Variants in CECR2 observed in about 807,000 individuals in gnomAD.
The protein encoded by CECR2 is chromatin remodeling regulator CECR2.
A neutral mutation model predicts 154.5 loss-of-function variants in CECR2; 30 were observed. The ratio of observed to expected loss-of-function variants is 0.19; its 90% CI spans 0.15 to 0.26. CECR2 has a LOEUF of 0.26. CECR2 is among the 10% of genes least tolerant of loss of function. The probability of loss-of-function intolerance (pLI) is 1.00; values close to 1 mark genes in which losing one functional copy is unlikely to be tolerated. For missense variants in CECR2, 1,743 were observed against 1,829.3 expected, an observed-to-expected ratio of 0.95 and a Z score of 0.86; for synonymous variants, 725 against 683.7, an observed-to-expected ratio of 1.06 and a Z score of -0.94.
intron 1 of CECR2, among the ~76,000 whole-genome samples, chr22:17,425,963 G>A (rs2054322974): frequency 6.6e-6 from 1 of 152,178 alleles, no homozygotes; most frequent in Non-Finnish European, 1.5e-5. Context: ...TGCTTTGGGT[G>A]GCTGAGATAC....
chr22:17,534,515 A>T (rs577765118), intron 9 of CECR2, among the ~76,000 whole-genome samples: 1 of 151,646 alleles, frequency 6.6e-6, no homozygotes, highest in East Asian at 2.0e-4. Flanking sequence ...TTATTTATTT[A>T]TTTATTTTTT....
At chr22:17,513,650 G>A (rs1223129441) in intron 8 of CECR2, among the ~76,000 whole-genome samples, 2 of 152,072 alleles carry the variant, frequency 1.3e-5, no homozygotes, top group Admixed American at 1.3e-4. Flanking sequence ...CTTCCTCCTA[G>A]CAGTCACTAA....
chr22:17,447,031 A>ATTTTTTTTTTTT (rs2054678619), intron 1 of CECR2, among the ~76,000 whole-genome samples: 1 of 100,606 alleles, frequency 9.9e-6, no homozygotes, highest in African/African-American at 5.7e-5. Context: ...TGCGTTTACA[A>ATTTTTTTTTTTT]TCTTTTTTTT....
intron 8 of CECR2, among the ~76,000 whole-genome samples, chr22:17,512,263 T>A (rs766599643): frequency 2.6e-5 from 4 of 151,708 alleles, no homozygotes; most frequent in Non-Finnish European, 5.9e-5. Flanking sequence ...CTGAGATGGC[T>A]GGGATTGATG....
At chr22:17,539,202 T>TG (rs1204016248) in intron 13 of CECR2, 83 bp downstream of exon 13, 1 of 1,467,844 alleles carries the variant, frequency 6.8e-7, no homozygotes, top group Non-Finnish European at 9.3e-7. Context: ...CACATCCTAG[T>TG]GCCTTTTCTG....
intron 1 of CECR2, among the ~76,000 whole-genome samples, chr22:17,467,278 C>T (rs991870172): frequency 7.9e-5 from 12 of 152,308 alleles, no homozygotes; most frequent in Admixed American, 7.2e-4. Context: ...GCATAATCCT[C>T]TTATGAGAAG....
At chr22:17,391,924 C>T (rs1467266028) in intron 1 of CECR2, among the ~76,000 whole-genome samples, 4 of 152,124 alleles carry the variant, frequency 2.6e-5, no homozygotes, top group Non-Finnish European at 1.5e-5. Context: ...GTCTCAGCTT[C>T]CCGAGTAACT....
At chr22:17,485,500 G>T (rs1216662724) in intron 2 of CECR2, among the ~76,000 whole-genome samples, 1 of 152,212 alleles carries the variant, frequency 6.6e-6, no homozygotes, top group African/African-American at 2.4e-5. Flanking sequence ...GGGCGTGGTG[G>T]CTCACGCCTG....
intron 1 of CECR2, among the ~76,000 whole-genome samples, chr22:17,451,182 G>C (rs2054763334): frequency 6.6e-6 from 1 of 152,242 alleles, no homozygotes; most frequent in South Asian, 2.1e-4. Flanking sequence ...GGCCAGGCTT[G>C]AGGCTGGCAG....
intron 16 of CECR2, among the ~76,000 whole-genome samples, chr22:17,547,663 C>A (rs34594666): frequency 0.01 from 1,564 of 152,204 alleles, 7 homozygotes; most frequent in Non-Finnish European, 0.018. Flanking sequence ...CGGAGAAGTC[C>A]CTCCTGTGGA....
chr22:17,533,738 T>C (rs8138198), intron 9 of CECR2, among the ~76,000 whole-genome samples: 43,766 of 150,568 alleles, frequency 0.29, 6,953 homozygotes, highest in African/African-American at 0.43. Flanking sequence ...GTTTTTGAGA[T>C]GACGTTTCAC....
chr22:17,502,861 A>G (rs536524899), intron 5 of CECR2, among the ~76,000 whole-genome samples: 1 of 152,340 alleles, frequency 6.6e-6, no homozygotes, highest in Admixed American at 6.5e-5. Flanking sequence ...TACTGTTGCC[A>G]TAACATAGGG....
chr22:17,535,730 G>GA (rs35949817), intron 9 of CECR2, among the ~76,000 whole-genome samples: 17 of 146,188 alleles, frequency 1.2e-4, no homozygotes, highest in African/African-American at 2.0e-4. Context: ...CTTAGAAGTC[G>GA]AAAAAAAAAA....
chr22:17,372,296 CT>C (rs2063070593), intron 1 of CECR2, among the ~76,000 whole-genome samples: 1 of 152,112 alleles, frequency 6.6e-6, no homozygotes, highest in Non-Finnish European at 1.5e-5. Flanking sequence ...GAAATTTTAA[CT>C]TACGCTTTTT....
chr22:17,514,693 T>C (rs1480499629), intron 8 of CECR2, among the ~76,000 whole-genome samples: 2 of 152,178 alleles, frequency 1.3e-5, no homozygotes, highest in Admixed American at 6.5e-5. Context: ...CAAGACTTGC[T>C]TTACCTTGCA....
intron 1 of CECR2, among the ~76,000 whole-genome samples, chr22:17,391,802 A>G (rs1259755925): frequency 2.0e-5 from 3 of 152,248 alleles, no homozygotes; most frequent in Admixed American, 1.3e-4. Flanking sequence ...ATTGTTGAAT[A>G]CAGATGCTTT....
chr22:17,375,960 T>TA lies in CECR2; in HGVS notation c.126+6066dup, dbSNP rs879827682. 2.0e-3 allele frequency among the ~76,000 whole-genome samples: 265 copies of TA among 134,498 alleles called. 3 individuals are homozygous for TA. The South Asian group carries it at 0.02, about 10-fold the overall frequency. 88.2% of individuals were successfully genotyped at this position (134,498 alleles called of 152,430 possible). A position where few individuals can be genotyped will look rare whatever the true frequency, so the allele number is the denominator to read the frequency against. On this transcript the variant is annotated intron_variant, in intron 1 of 18. Coordinates refer to ENST00000262608, the MANE Select transcript of CECR2 (RefSeq NM_001290047.2). The stretch of plus-strand genomic sequence containing the variant: ...ACAGAGCGAGAGGGAGACTCTTATC[T>TA]AAAAAAAAAAAAAAATAGTCCTTTG...
chr22:17,491,652 G>T (rs940573670), intron 2 of CECR2, among the ~76,000 whole-genome samples: 1 of 150,386 alleles, frequency 6.6e-6, no homozygotes, highest in African/African-American at 2.4e-5. Flanking sequence ...GAGCTATTCA[G>T]AATTTTTATT....
At chr22:17,545,040 G>C (rs2056589587) in intron 16 of CECR2, among the ~76,000 whole-genome samples, 1 of 151,846 alleles carries the variant, frequency 6.6e-6, no homozygotes. Context: ...ATTAAGAATG[G>C]CCAATAGTGA....
Sources: allele counts gnomAD v4.1 joint callset (sites outside exome capture counted in the v4.1 genomes callset), GRCh38; gene constraint gnomAD v4.1.1; transcripts MANE v1.5; gene names NCBI Gene and HGNC (gene_info 2026-07-23, HGNC 2026-07-21).